The following ITGA2B variants were observed in gnomAD, a reference collection of about 807,000 sequenced individuals.
ITGA2B encodes the protein integrin alpha-IIb.
A neutral mutation model predicts 142.0 loss-of-function variants in ITGA2B; 91 were observed. The observed-to-expected ratio is 0.64, with a 90% confidence interval of 0.54 to 0.76. The LOEUF is 0.76. Ranked by LOEUF, ITGA2B falls within the 30% of genes least tolerant of loss-of-function variation. The pLI, the probability that ITGA2B is intolerant of heterozygous loss-of-function variation, is 0.00. For missense variants in ITGA2B, 1,231 were observed against 1,350.8 expected (o/e 0.91, Z 1.39); for synonymous variants, 536 against 567.2 (o/e 0.94, Z 0.78).
chr17:44,384,403 C>T (rs1365288607), intron 8 of ITGA2B, 49 bp from the exon 9 acceptor site: 3 of 1,610,932 alleles, frequency 1.9e-6, no homozygotes, highest in South Asian at 2.2e-5. Context: ...TTAGAACCTA[C>T]CCACTTCCCG....
chr17:44,377,658 CCCCTG>C (rs2143447023), intron 21 of ITGA2B, 35 bp downstream of exon 21: 1 of 568,036 alleles, frequency 1.8e-6, no homozygotes, highest in South Asian at 2.6e-5. Context: ...TATTCATGAG[CCCCTG>C]GTGGAGACCC....
intron 29 of ITGA2B, among the ~76,000 whole-genome samples, 170 bp from the exon 30 acceptor site, chr17:44,372,593 G>A (rs548598772): frequency 4.1e-4 from 63 of 152,214 alleles, no homozygotes; most frequent in Non-Finnish European, 7.8e-4. Flanking sequence ...TGCATGGAAC[G>A]AATTGTTGGG....
intron 10 of ITGA2B, 31 bp downstream of exon 10, chr17:44,384,054 C>G (rs1208350797): frequency 6.2e-7 from 1 of 1,613,772 alleles, no homozygotes; most frequent in Non-Finnish European, 8.5e-7. Flanking sequence ...CCCCCTCCAC[C>G]CAGCCACGCC....
chr17:44,379,239 C>T (rs1436237342), intron 18 of ITGA2B, among the ~76,000 whole-genome samples: 2 of 148,456 alleles, frequency 1.3e-5, no homozygotes, highest in East Asian at 4.0e-4. Context: ...CAGGCGTGAG[C>T]CACTGCGCCT....
chr17:44,386,387 G>T (rs1386336724), intron 1 of ITGA2B, among the ~76,000 whole-genome samples: 1 of 152,228 alleles, frequency 6.6e-6, no homozygotes, highest in African/African-American at 2.4e-5. Flanking sequence ...CATTTGGTTT[G>T]ATTTGAACAC....
At chr17:44,380,772 G>A (rs1469433364) in intron 13 of ITGA2B, 107 bp downstream of exon 13, 36 of 1,583,474 alleles carry the variant, frequency 2.3e-5, no homozygotes, top group Non-Finnish European at 3.0e-5. Context: ...GCAGTCCATA[G>A]TGGGACACCA....
intron 7 of ITGA2B, 34 bp from the exon 8 acceptor site, chr17:44,384,619 G>A (rs1338652813): frequency 6.2e-7 from 1 of 1,612,772 alleles, no homozygotes; most frequent in South Asian, 1.1e-5. Context: ...TCTTTTCCAG[G>A]GGAGGAAGCA....
Position 44,380,580 on chromosome 17 carries a change from C to T in ITGA2B, c.1439+20G>A. The T allele has an allele frequency of 6.2e-7, 1 of 1,614,194 alleles. No individual in the cohort carries two copies. Among genetic ancestry groups the T allele is most frequent in the Non-Finnish European group, 8.5e-7 (1 of 1,180,020 alleles). ...ATGGCACAGGACCTTCCCCATCCCG[C>T]CCCTGGAGCCAGTGCTCACCTGTAC... On this transcript the variant is annotated intron_variant, in intron 14 of 29. Transcript: ENST00000262407.
At chr17:44,375,332 T>C (rs2048531472) in intron 26 of ITGA2B, 6 of 636,016 alleles carry the variant, frequency 9.4e-6, no homozygotes, top group African/African-American at 1.8e-5. Flanking sequence ...CAGCGCACAA[T>C]GCTCAGATCT....
intron 29 of ITGA2B, chr17:44,374,137 C>T: frequency 1.8e-6 from 1 of 568,450 alleles, no homozygotes; most frequent in Non-Finnish European, 3.2e-6. Context: ...AACTCTTGAC[C>T]TCAGGTGATC....
chr17:44,374,712 A>T lies in ITGA2B; in HGVS notation c.2890T>A (p.Ser964Thr), dbSNP rs772351917. ...VLQSHAWFNV[S>T]SLPYAVPPLS... ...GGGGGCACCGCATAGGGGAGGGAGGACACGTTGAACCATGCGTGCGACTGC... is the reference window on the plus strand; with the variant it reads ...GGGGGCACCGCATAGGGGAGGGAGGTCACGTTGAACCATGCGTGCGACTGC... The change falls in exon 28 of 30, where the codon TCC becomes ACC. Residue 964 changes from serine to threonine, a missense_variant. By Grantham distance (58) the Ser-to-Thr change is moderately conservative. This residue lies in a region of ITGA2B where 908 missense variants were observed against 1,021.1 expected (regional missense o/e 0.89). Coordinates refer to ENST00000262407, the MANE Select transcript of ITGA2B (RefSeq NM_000419.5). 6.2e-7 allele frequency: 1 copy of T among 1,614,002 alleles called. No homozygotes were observed. Among genetic ancestry groups the T allele is most frequent in the South Asian group, 1.1e-5 (1 of 91,074 alleles).
In ITGA2B at chr17:44,382,125, GTCACCCTC is replaced by G. The variant is rs561807626; in HGVS notation, c.1211-1072_1211-1065del. 3.2e-3 allele frequency among the ~76,000 whole-genome samples: 494 copies of G among 152,102 alleles called. 1 individual carries two copies. The highest frequency in any genetic ancestry group is 3.9e-3 in the Non-Finnish European group (262 of 68,002). The stretch of plus-strand genomic sequence containing the variant: ...CTTCCTTCACCCTGACACTGGGCCA[GTCACCCTC>G]CCACCCCCTGAGGCATCACAGGGAC... On this transcript the variant is annotated intron_variant, in intron 12 of 29. Coordinates refer to ENST00000262407, the MANE Select transcript of ITGA2B (RefSeq NM_000419.5).
chr17:44,378,264 AG>A (rs1249368338), intron 20 of ITGA2B, 97 bp downstream of exon 20: 2 of 1,429,588 alleles, frequency 1.4e-6, no homozygotes, highest in Admixed American at 5.6e-5. Flanking sequence ...TTGACAGCAA[AG>A]CAGAAGAGAA....
At chr17:44,388,371 T>A (rs2048668284) in intron 1 of ITGA2B, among the ~76,000 whole-genome samples, 1 of 149,130 alleles carries the variant, frequency 6.7e-6, no homozygotes, top group Non-Finnish European at 1.5e-5. Context: ...TTTTTTTTTT[T>A]TTGAGACAGA....
Position 44,380,251 on chromosome 17 carries a change from T to C in ITGA2B, c.1595A>G (p.Lys532Arg). 1 of 1,614,164 alleles carries C rather than the reference T, an allele frequency of 6.2e-7. No individual in the cohort carries two copies. Among genetic ancestry groups the C allele is most frequent in the Non-Finnish European group, 8.5e-7 (1 of 1,180,036 alleles). ...VGATGHNIPQ[K>R]LSLNAELQLD... Reference sequence around the variant, plus strand: ...GCCCCCTTCATGCCACTCACATAGCTTCTGAGGAATGTTGTGCCCAGTGGC... The same window carrying C: ...GCCCCCTTCATGCCACTCACATAGCCTCTGAGGAATGTTGTGCCCAGTGGC... The change falls in exon 16 of 30, where the codon AAG becomes AGG. Residue 532 changes from lysine to arginine, a missense_variant. This residue lies in a region of ITGA2B where 908 missense variants were observed against 1,021.1 expected (regional missense o/e 0.89). Transcript: ENST00000262407.
At chr17:44,378,591 G>A (rs1411791437) in intron 19 of ITGA2B, 52 bp downstream of exon 19, 2 of 1,591,510 alleles carry the variant, frequency 1.3e-6, no homozygotes, top group African/African-American at 1.3e-5. Context: ...GTGTGGAGCA[G>A]GTATGATAGG....
rs137852906 is a variant in ITGA2B at position 44,380,004 on chromosome 17, G to T, written c.1750C>A (p.Arg584=). 7.4e-6 allele frequency: 12 copies of T among 1,613,250 alleles called. No individual in the cohort carries two copies. In the African/African-American group the frequency reaches 1.5e-4, roughly 20 times the overall value. The change falls in exon 17 of 30, where the codon CGA becomes AGA. Residue 584 remains arginine, a splice_region_variant and synonymous_variant. Transcript: ENST00000262407. ...GCCAATCCCCTGCCTGGGCGTACTC[G>T]AAGGAAGGCCATGGTGGTGTGGCAG... ...PICHTTMAFL[R]DEADFRDKLS...
At chr17:44,374,592 G>T in intron 28 of ITGA2B, 67 bp downstream of exon 28, 2 of 1,539,616 alleles carry the variant, frequency 1.3e-6, no homozygotes, top group Non-Finnish European at 1.8e-6. Context: ...GACTTTTCTG[G>T]CTGGGCACTG....
chr17:44,373,144 TTTTTC>T (rs66936014), intron 29 of ITGA2B, among the ~76,000 whole-genome samples: 10,013 of 151,814 alleles, frequency 0.066, 1,119 homozygotes, highest in African/African-American at 0.23. Context: ...CCACCTGGAA[TTTTTC>T]TTTTCTTTTC....
Sources: gnomAD v4.1 joint callset for allele counts (sites outside exome capture counted in the v4.1 genomes callset) on GRCh38, gnomAD v4.1.1 for gene constraint, gnomAD v4.1.1 regional missense constraint, MANE v1.5 for transcripts, NCBI Gene and HGNC (gene_info 2026-07-23, HGNC 2026-07-21) for gene names.